Variants in CHMP4C observed in about 807,000 individuals in gnomAD.
The protein encoded by CHMP4C is SNF7 homolog associated with Alix 3.
Under a neutral mutation model 29.0 loss-of-function variants are expected in CHMP4C, and 28 were observed. The observed-to-expected ratio is 0.97, with a 90% CI of 0.72 to 1.32. The LOEUF (loss-of-function observed/expected upper bound fraction) is 1.32. CHMP4C is among the 40% of genes most tolerant of loss of function. The probability of loss-of-function intolerance (pLI) is 0.00; values close to 1 mark genes in which losing one functional copy is unlikely to be tolerated. For synonymous variants in CHMP4C, 106 were observed against 102.4 expected, an observed-to-expected ratio of 1.04 and a Z score of -0.21; for missense variants, 291 against 281.0, an observed-to-expected ratio of 1.04 and a Z score of -0.25.
At chr8:81,739,753 C>T (rs1348217095) in intron 1 of CHMP4C, among the ~76,000 whole-genome samples, 1 of 152,148 alleles carries the variant, frequency 6.6e-6, no homozygotes, top group Admixed American at 6.5e-5. Flanking sequence ...GCACTTGCAC[C>T]CTTAGTTACT....
chr8:81,741,114 C>G (rs1178535236), intron 1 of CHMP4C, among the ~76,000 whole-genome samples: 1 of 152,094 alleles, frequency 6.6e-6, no homozygotes, highest in Non-Finnish European at 1.5e-5. Flanking sequence ...ATTGTAGCAA[C>G]TTCTAGAAGA....
chr8:81,757,292 T>A (rs1315577606), intron 3 of CHMP4C, among the ~76,000 whole-genome samples: 1 of 152,144 alleles, frequency 6.6e-6, no homozygotes. Context: ...TCGTTATTCA[T>A]CCATGAAAGA....
chr8:81,750,608 C>T (rs914790545), intron 1 of CHMP4C, among the ~76,000 whole-genome samples: 1 of 151,324 alleles, frequency 6.6e-6, no homozygotes. Context: ...TGTGTCAAAA[C>T]AAAAAAATAT....
At position 81,750,347 on chromosome 8, in the gene CHMP4C, C is replaced by T. The variant is rs111830731; in HGVS notation, c.191-2717C>T. Among the ~76,000 whole-genome samples the T allele has an allele frequency of 9.6e-3, 1,462 of 151,948 alleles. 18 individuals carry two copies. The highest frequency in any genetic ancestry group is 0.033 in the African/African-American group (1,377 of 41,434). ...GGGTGTGGTGGCTCACACCGGCAATCTCAGTACTTTGGGAGGCCAAGGGGA... is the reference window on the plus strand; with the variant it reads ...GGGTGTGGTGGCTCACACCGGCAATTTCAGTACTTTGGGAGGCCAAGGGGA... On this transcript the variant is annotated intron_variant, in intron 1 of 4. Transcript: ENST00000297265.
chr8:81,757,993 T>C (rs1219409648), intron 3 of CHMP4C, 149 bp from the exon 4 acceptor site: 7 of 714,292 alleles, frequency 9.8e-6, no homozygotes, highest in Non-Finnish European at 1.6e-5. Flanking sequence ...TTGCTCAGTG[T>C]TGCAAAAAAG....
chr8:81,732,879 A>G lies in CHMP4C; in HGVS notation c.190+63A>G, dbSNP rs564732302. Reference sequence around the variant, plus strand: ...GCCTCTAGCCTTTCCCTTGGGGACAATCGGCCCACACCACTGAGGTCCCCA... The same window carrying G: ...GCCTCTAGCCTTTCCCTTGGGGACAGTCGGCCCACACCACTGAGGTCCCCA... On this transcript the variant is annotated intron_variant, in intron 1 of 4. Transcript: ENST00000297265. The G allele has an allele frequency of 1.7e-5, 26 of 1,489,800 alleles. No individual in the cohort carries two copies. In the African/African-American group the frequency reaches 3.0e-4, roughly 17 times the overall value. The allele number at this position is 1,489,800 out of a possible 1,614,324, so 92.3% of individuals were successfully genotyped here.
At chr8:81,738,517 G>A (rs1808721854) in intron 1 of CHMP4C, among the ~76,000 whole-genome samples, 1 of 152,166 alleles carries the variant, frequency 6.6e-6, no homozygotes. Context: ...CCCACTCTTA[G>A]TTCAGTGGGA....
chr8:81,732,656 G>A lies in CHMP4C; in HGVS notation c.30G>A (p.Gly10=), dbSNP rs1808632723. 2 of 1,562,152 alleles carry A rather than the reference G, an allele frequency of 1.3e-6. No individual in the cohort carries two copies. Among genetic ancestry groups the A allele is most frequent in the South Asian group, 2.4e-5 (2 of 84,982 alleles). Residue 10 remains glycine (G), a synonymous_variant, in exon 1 of 5, where the codon GGG becomes GGA. Transcript: ENST00000297265. Reference sequence around the variant, plus strand: ...GCAAGTTGGGCAAGTTCTTTAAAGGGGGCGGCTCTTCTAAGAGCCGAGCCG... The same window carrying A: ...GCAAGTTGGGCAAGTTCTTTAAAGGAGGCGGCTCTTCTAAGAGCCGAGCCG... The part of the protein sequence containing the change: MSKLGKFFK[G]GGSSKSRAAP...
chr8:81,742,366 G>A (rs1020802995), intron 1 of CHMP4C, among the ~76,000 whole-genome samples: 1 of 152,198 alleles, frequency 6.6e-6, no homozygotes, highest in Non-Finnish European at 1.5e-5. Context: ...TCTGTTAACA[G>A]TTGGGAAGCC....
intron 1 of CHMP4C, among the ~76,000 whole-genome samples, chr8:81,746,727 C>G (rs1012301715): frequency 6.6e-6 from 1 of 152,064 alleles, no homozygotes; most frequent in Non-Finnish European, 1.5e-5. Flanking sequence ...AAAAATTTCC[C>G]AAATATTTTG....
At chr8:81,746,019 G>A (rs1353188435) in intron 1 of CHMP4C, among the ~76,000 whole-genome samples, 2 of 152,216 alleles carry the variant, frequency 1.3e-5, no homozygotes, top group East Asian at 3.9e-4. Flanking sequence ...TTGTTTATTA[G>A]GGAACAAGGT....
rs896070517 is a variant in CHMP4C at position 81,758,693 on chromosome 8, A to G, written c.*149A>G. On this transcript the variant is annotated 3_prime_UTR_variant, in exon 5 of 5. Transcript: ENST00000297265. ...TTAAGCCTCCTAAGTAAAAGTAAAAAAGGAGTCATGTGCATACATAGAATC... is the reference window on the plus strand; with the variant it reads ...TTAAGCCTCCTAAGTAAAAGTAAAAGAGGAGTCATGTGCATACATAGAATC... The G allele has an allele frequency of 2.5e-5, 16 of 640,364 alleles. No individual in the cohort carries two copies. The highest frequency in any genetic ancestry group is 3.0e-5 in the Non-Finnish European group (11 of 367,384). 39.7% of individuals were successfully genotyped at this position (640,364 alleles called of 1,614,324 possible).
intron 1 of CHMP4C, among the ~76,000 whole-genome samples, chr8:81,744,804 C>T (rs1808802357): frequency 6.6e-6 from 1 of 152,180 alleles, no homozygotes; most frequent in Non-Finnish European, 1.5e-5. Context: ...AGCCTTATTT[C>T]TTTGTCCCTC....
intron 1 of CHMP4C, among the ~76,000 whole-genome samples, chr8:81,747,159 T>A (rs1404594465): frequency 6.6e-6 from 1 of 152,158 alleles, no homozygotes; most frequent in Non-Finnish European, 1.5e-5. Context: ...TGAGTACAGG[T>A]CATGCATCAC....
intron 1 of CHMP4C, among the ~76,000 whole-genome samples, chr8:81,746,132 G>A (rs1032870708): frequency 5.9e-5 from 9 of 152,154 alleles, no homozygotes; most frequent in African/African-American, 1.9e-4. Context: ...TAAAACAAAA[G>A]CCTCCTGTCT....
intron 1 of CHMP4C, among the ~76,000 whole-genome samples, chr8:81,740,704 C>A (rs2130478398): frequency 6.6e-6 from 1 of 152,322 alleles, no homozygotes; most frequent in East Asian, 1.9e-4. Flanking sequence ...GAATAATATT[C>A]CTAAAACTGA....
At chr8:81,751,928 G>T (rs933865977) in intron 1 of CHMP4C, among the ~76,000 whole-genome samples, 1 of 151,718 alleles carries the variant, frequency 6.6e-6, no homozygotes, top group Non-Finnish European at 1.5e-5. Flanking sequence ...TAAAAAACTG[G>T]CATATTAACT....
intron 1 of CHMP4C, among the ~76,000 whole-genome samples, chr8:81,739,424 G>GGGGGC (rs1554592474): frequency 2.9e-5 from 4 of 140,192 alleles, no homozygotes; most frequent in African/African-American, 1.0e-4. Context: ...ATTGTGGGGG[G>GGGGGC]GGGTGGAAAA....
intron 1 of CHMP4C, among the ~76,000 whole-genome samples, chr8:81,741,277 G>C (rs532954394): frequency 2.6e-5 from 4 of 152,166 alleles, no homozygotes; most frequent in African/African-American, 9.6e-5. Context: ...TTTACATTAA[G>C]CAAATAATAT....
Sources: allele counts gnomAD v4.1 joint callset (sites outside exome capture counted in the v4.1 genomes callset), GRCh38; gene constraint gnomAD v4.1.1; transcripts MANE v1.5; gene names NCBI Gene and HGNC (gene_info 2026-07-23, HGNC 2026-07-21).